HNF4A: variants seen among roughly 807,000 people sequenced by gnomAD.
HNF4A encodes the protein hepatocyte nuclear factor 4 alpha, also known as hepatocyte nuclear factor 4-alpha.
In HNF4A, 15 loss-of-function variants were observed where a neutral mutation model predicts 52.4. The observed-to-expected ratio is 0.29, with a 90% CI of 0.19 to 0.44. The LOEUF is 0.44. HNF4A is among the 20% of genes least tolerant of loss of function. HNF4A has a pLI of 1.00. For synonymous variants in HNF4A, 280 were observed against 264.4 expected (o/e 1.06, Z -0.57); for missense variants, 479 against 647.2 (o/e 0.74, Z 2.82).
chr20:44,409,021 C>T (rs1301159061), intron 3 of HNF4A, among the ~76,000 whole-genome samples: 1 of 151,884 alleles, frequency 6.6e-6, no homozygotes, highest in Non-Finnish European at 1.5e-5. Flanking sequence ...GCTCCTGGCC[C>T]CCTGTTTTCT....
intron 1 of HNF4A, among the ~76,000 whole-genome samples, chr20:44,392,696 G>A (rs965884104): frequency 6.6e-5 from 10 of 152,162 alleles, no homozygotes; most frequent in African/African-American, 2.4e-4. Context: ...CTTCAGAGAT[G>A]AGTCTCTGCT....
In HNF4A at chr20:44,414,556, T is replaced by C. The variant is rs1404334125; in HGVS notation, c.542T>C (p.Ile181Thr). 9 of 1,614,110 alleles carry C rather than the reference T, an allele frequency of 5.6e-6. No homozygotes were observed. The African/African-American group carries it at 6.7e-5, about 12-fold the overall frequency. ...AACGGCGACATTCGGGCGAAGAAGA[T>C]TGCCAGCATCGCAGATGTGTGTGAG... The change falls in exon 5 of 10, where the codon ATT becomes ACT. Residue 181 changes from isoleucine (I) to threonine (T), a missense_variant. Transcript: ENST00000316099.
chr20:44,422,895 T>C (rs967909793), intron 7 of HNF4A, among the ~76,000 whole-genome samples: 2 of 151,416 alleles, frequency 1.3e-5, no homozygotes, highest in East Asian at 3.9e-4. Flanking sequence ...ACCAGGCTGG[T>C]CTCAAACTCC....
intron 1 of HNF4A, among the ~76,000 whole-genome samples, chr20:44,393,345 C>T (rs1284310092): frequency 6.6e-6 from 1 of 152,242 alleles, no homozygotes; most frequent in Non-Finnish European, 1.5e-5. Flanking sequence ...CCAAGTCCTC[C>T]TGGCTTCCTT....
rs2063407337 is a variant in HNF4A, at chr20:44,401,433, C to G, written c.61C>G (p.Pro21Ala). 4 of 1,614,056 alleles carry G rather than the reference C, an allele frequency of 2.5e-6. No homozygotes were observed. The highest frequency in any genetic ancestry group is 3.4e-6 in the Non-Finnish European group (4 of 1,180,036). The change falls in exon 1 of 10, where the codon CCA becomes GCA. Residue 21 changes from proline (P) to alanine (A), a missense_variant. Coordinates refer to ENST00000316099, the MANE Select transcript of HNF4A (RefSeq NM_000457.6). Reference sequence around the variant, plus strand: ...GGCCGACTACAGTGCTGCACTGGACCCAGCCTACACCACCCTGGAATTTGA... The same window carrying G: ...GGCCGACTACAGTGCTGCACTGGACGCAGCCTACACCACCCTGGAATTTGA...
intron 1 of HNF4A, among the ~76,000 whole-genome samples, chr20:44,367,902 G>A (rs868595209): frequency 1.3e-5 from 2 of 151,530 alleles, no homozygotes; most frequent in African/African-American, 4.9e-5. Context: ...ACCACGCAGC[G>A]CATGAGAGGC....
chr20:44,401,198 A>AG, upstream of HNF4A: 1 of 1,484,310 alleles, frequency 6.7e-7, no homozygotes. Context: ...TCCCCGGCAG[A>AG]GCCTCCACCC....
At chr20:44,404,786 C>T (rs117621179) in intron 1 of HNF4A, among the ~76,000 whole-genome samples, 12 of 92 alleles carry the variant, frequency 0.13, 1 homozygote, top group East Asian at 0.25. Flanking sequence ...TGTGTGTGTG[C>T]GTGTGTCTGT....
chr20:44,392,301 A>G (rs769386145), intron 1 of HNF4A, among the ~76,000 whole-genome samples: 2 of 152,158 alleles, frequency 1.3e-5, no homozygotes, highest in African/African-American at 2.4e-5. Context: ...GGGAAAACTG[A>G]GCCTCGCTGA....
intron 1 of HNF4A, among the ~76,000 whole-genome samples, chr20:44,364,557 G>A (rs144140639): frequency 0.017 from 2,623 of 151,740 alleles, 42 homozygotes; most frequent in Admixed American, 0.036. Flanking sequence ...TGCAACCTCC[G>A]CCTCCTGGGT....
At chr20:44,366,438 T>C (rs895991878) in intron 1 of HNF4A, among the ~76,000 whole-genome samples, 3 of 152,200 alleles carry the variant, frequency 2.0e-5, no homozygotes, top group Admixed American at 6.5e-5. Context: ...CTGGCCAACA[T>C]GCTGAAATCC....
At chr20:44,364,014 A>T (rs2062944874) in intron 1 of HNF4A, among the ~76,000 whole-genome samples, 1 of 152,056 alleles carries the variant, frequency 6.6e-6, no homozygotes, top group African/African-American at 2.4e-5. Context: ...TGAGAAATGG[A>T]GGTATGACAA....
chr20:44,411,404 C>T (rs1248710945), intron 3 of HNF4A, among the ~76,000 whole-genome samples: 2 of 152,220 alleles, frequency 1.3e-5, no homozygotes, highest in African/African-American at 2.4e-5. Context: ...GCACTGATAA[C>T]GCCCGCCTAA....
chr20:44,368,141 C>A (rs865918789), intron 1 of HNF4A, among the ~76,000 whole-genome samples: 1 of 12,920 alleles, frequency 7.7e-5, no homozygotes, highest in Non-Finnish European at 1.3e-4. Flanking sequence ...TGTGTATATA[C>A]ATATATATAT....
intron 1 of HNF4A, among the ~76,000 whole-genome samples, chr20:44,394,864 A>T (rs2063339140): frequency 6.6e-6 from 1 of 152,246 alleles, no homozygotes; most frequent in South Asian, 2.1e-4. Flanking sequence ...CAACAGGCTC[A>T]GCAATGATTA....
At chr20:44,386,598 T>TCAA in intron 1 of HNF4A, among the ~76,000 whole-genome samples, 1 of 152,330 alleles carries the variant, frequency 6.6e-6, no homozygotes, top group South Asian at 2.1e-4. Context: ...GGAGATAATT[T>TCAA]CAACCCCCAA....
At chr20:44,370,019 G>GT (rs987833522) in intron 1 of HNF4A, among the ~76,000 whole-genome samples, 43 of 151,240 alleles carry the variant, frequency 2.8e-4, no homozygotes, top group Non-Finnish European at 4.0e-4. Flanking sequence ...CTGGACTTTT[G>GT]TTTTTTTTGT....
intron 3 of HNF4A, among the ~76,000 whole-genome samples, chr20:44,413,002 T>C: frequency 6.6e-6 from 1 of 152,096 alleles, no homozygotes; most frequent in East Asian, 1.9e-4. Context: ...CCTCTTGGAC[T>C]CCAAGGGCTA....
At chr20:44,365,765 G>A (rs903368241) in intron 1 of HNF4A, among the ~76,000 whole-genome samples, 1 of 152,180 alleles carries the variant, frequency 6.6e-6, no homozygotes, top group African/African-American at 2.4e-5. Context: ...CCAGCACTTT[G>A]GGAGGCTGAG....
Sources: gnomAD v4.1 joint callset for allele counts (sites outside exome capture counted in the v4.1 genomes callset) on GRCh38, gnomAD v4.1.1 for gene constraint, MANE v1.5 for transcripts, NCBI Gene and HGNC (gene_info 2026-07-23, HGNC 2026-07-21) for gene names.